Variants in DIMT1 observed in about 807,000 individuals in gnomAD.
DIMT1 encodes dimethyladenosine transferase.
DIMT1 carries 36 observed loss-of-function variants against 43.2 expected under a neutral mutation model. That is an observed-to-expected ratio of 0.83 (90% CI 0.64 to 1.10). The LOEUF (loss-of-function observed/expected upper bound fraction) is 1.10. Ranked by LOEUF, DIMT1 falls within the 50% of genes least tolerant of loss-of-function variation. The pLI is 0.00. For synonymous variants in DIMT1, 126 were observed against 130.3 expected (o/e 0.97, Z 0.22); for missense variants, 341 against 385.3 (o/e 0.88, Z 0.96).
intron 10 of DIMT1, chr5:62,391,917 T>C (rs1299232642): frequency 1.3e-6 from 2 of 1,534,526 alleles, no homozygotes; most frequent in South Asian, 1.2e-5. Context: ...ATTCTTGTTA[T>C]GGCTAAAAAC....
At chr5:62,403,653 C>G in intron 1 of DIMT1, 41 bp downstream of exon 1, 1 of 1,579,448 alleles carries the variant, frequency 6.3e-7, no homozygotes, top group Non-Finnish European at 8.6e-7. Context: ...TGCCGGAAGA[C>G]CTGACCCGAC....
At chr5:62,392,547 CCT>C (rs1224056026) in intron 9 of DIMT1, among the ~76,000 whole-genome samples, 2 of 152,134 alleles carry the variant, frequency 1.3e-5, no homozygotes, top group Non-Finnish European at 2.9e-5. Flanking sequence ...CTGTGTCTCA[CCT>C]CTCTTTTACC....
Position 62,394,533 on chromosome 5 carries a change from C to G in DIMT1, c.521G>C (p.Arg174Thr), listed in dbSNP as rs1451897732. The G allele has an allele frequency of 6.2e-7, 1 of 1,614,200 alleles. No individual in the cohort carries two copies. Among genetic ancestry groups the G allele is most frequent in the Admixed American group, 1.7e-5 (1 of 60,028 alleles). The change falls in exon 7 of 12, where the codon AGA (arginine) becomes ACA (threonine). Residue 174 changes from arginine to threonine, a missense_variant. Transcript: ENST00000199320. The stretch of plus-strand genomic sequence containing the variant: ...CAACAGCTGTGTATTAATTGAGAGT[C>G]TGCAGTATAACTTATCTCCAGGTTT... ...VAKPGDKLYCRLSINTQLLAR... is the reference protein window; with the variant it reads ...VAKPGDKLYCTLSINTQLLAR...
In DIMT1 at chr5:62,403,683, G is replaced by A. The variant is rs1476947204; in HGVS notation, c.79+11C>T. ...CCCGACCGACCCCAGCTTCCTCGCG[G>A]GGATCCGCACCTCCAGCGCTCTTCA... On this transcript the variant is annotated intron_variant, in intron 1 of 11. Coordinates refer to ENST00000199320, the MANE Select transcript of DIMT1 (RefSeq NM_014473.4). 2.4e-5 allele frequency: 38 copies of A among 1,604,698 alleles called. No individual in the cohort carries two copies. The highest frequency in any genetic ancestry group is 3.0e-5 in the Non-Finnish European group (35 of 1,176,526).
chr5:62,392,065 T>A (rs762551722), intron 10 of DIMT1, 106 bp downstream of exon 10: 200 of 1,596,470 alleles, frequency 1.3e-4, no homozygotes, highest in Non-Finnish European at 1.5e-4. Context: ...CTTTTAAGGA[T>A]CTTATGGAAT....
rs1742795226 is a variant in DIMT1, at chr5:62,403,679, C to T, written c.79+15G>A. 1.2e-6 allele frequency: 2 copies of T among 1,602,608 alleles called. No homozygotes were observed. The highest frequency in any genetic ancestry group is 1.7e-6 in the Non-Finnish European group (2 of 1,175,512). On this transcript the variant is annotated intron_variant, in intron 1 of 11. Transcript: ENST00000199320. ...CTGACCCGACCGACCCCAGCTTCCT[C>T]GCGGGGATCCGCACCTCCAGCGCTC...
intron 3 of DIMT1, among the ~76,000 whole-genome samples, chr5:62,401,495 CAAAAAAAAAA>C (rs563279122): frequency 1.7e-5 from 1 of 60,500 alleles, no homozygotes; most frequent in Non-Finnish European, 3.1e-5. Flanking sequence ...ATTCCCTCTC[CAAAAAAAAAA>C]AAAAAAAAAA....
chr5:62,392,905 A>C, intron 9 of DIMT1, 21 bp downstream of exon 9: 2 of 1,573,658 alleles, frequency 1.3e-6, no homozygotes, highest in Non-Finnish European at 1.7e-6. Flanking sequence ...TTTATACATT[A>C]GAAATTAGTG....
intron 8 of DIMT1, among the ~76,000 whole-genome samples, chr5:62,393,749 T>C (rs1362991869): frequency 6.9e-6 from 1 of 144,386 alleles, no homozygotes; most frequent in Non-Finnish European, 1.5e-5. Context: ...CCATTTTTTC[T>C]TTTTTTTTTT....
In DIMT1 at chr5:62,390,997, T is replaced by C; in HGVS notation, c.793-15A>G. The C allele has an allele frequency of 2.5e-6, 4 of 1,604,852 alleles. No homozygotes were observed. In the Middle Eastern group the frequency reaches 5.0e-4, roughly 202 times the overall value. On this transcript the variant is annotated splice_polypyrimidine_tract_variant and intron_variant, in intron 10 of 11. Transcript: ENST00000199320. ...TCTGGTATTATCTATCAATATAAGATTCAGAATAAATGAACGACATATCTT... is the reference window on the plus strand; with the variant it reads ...TCTGGTATTATCTATCAATATAAGACTCAGAATAAATGAACGACATATCTT...
intron 10 of DIMT1, chr5:62,391,803 CAA>C (rs1385244886): frequency 1.7e-5 from 24 of 1,406,750 alleles, no homozygotes; most frequent in South Asian, 3.4e-5. Flanking sequence ...GAGCAAGAAA[CAA>C]GACGTGGTCA....
chr5:62,399,926 CAA>C, intron 3 of DIMT1, among the ~76,000 whole-genome samples: 1 of 152,014 alleles, frequency 6.6e-6, no homozygotes, highest in Non-Finnish European at 1.5e-5. Context: ...AACAAACAAA[CAA>C]ACACCACCAC....
intron 11 of DIMT1, among the ~76,000 whole-genome samples, chr5:62,390,667 C>G (rs1487113182): frequency 6.6e-6 from 1 of 152,132 alleles, no homozygotes; most frequent in Non-Finnish European, 1.5e-5. Context: ...TCGGACTGTT[C>G]TTTACTACTG....
chr5:62,401,664 C>T (rs546095188), intron 3 of DIMT1, among the ~76,000 whole-genome samples: 1 of 139,294 alleles, frequency 7.2e-6, no homozygotes, highest in South Asian at 2.4e-4. Context: ...CTCACTGCAA[C>T]CTCTGCCTTC....
At chr5:62,389,485 C>CAAA (rs775533413) in intron 11 of DIMT1, among the ~76,000 whole-genome samples, 10 of 75,914 alleles carry the variant, frequency 1.3e-4, no homozygotes, top group African/African-American at 2.9e-4. Context: ...GACTCTGTCT[C>CAAA]AAAAAAAAAA....
At chr5:62,402,537 A>G (rs1225837747) in intron 2 of DIMT1, among the ~76,000 whole-genome samples, 5 of 152,244 alleles carry the variant, frequency 3.3e-5, no homozygotes, top group Non-Finnish European at 5.9e-5. Context: ...GAAGAGCAGA[A>G]ACTGTACACA....
intron 9 of DIMT1, among the ~76,000 whole-genome samples, chr5:62,392,513 A>G (rs923643291): frequency 6.9e-6 from 1 of 144,152 alleles, no homozygotes. Context: ...ATCCCCTAAA[A>G]AAAAATCTCC....
At chr5:62,393,880 C>T in intron 8 of DIMT1, 75 bp downstream of exon 8, 1 of 1,279,586 alleles carries the variant, frequency 7.8e-7, no homozygotes, top group Non-Finnish European at 1.1e-6. Flanking sequence ...CAATATTTTT[C>T]TGCTGTTATA....
intron 6 of DIMT1, among the ~76,000 whole-genome samples, chr5:62,398,190 T>G (rs1237433109): frequency 1.3e-5 from 2 of 152,168 alleles, no homozygotes; most frequent in African/African-American, 2.4e-5. Context: ...ATGAACTTTT[T>G]GAAGACCTCT....
Sources: allele counts gnomAD v4.1 joint callset (sites outside exome capture counted in the v4.1 genomes callset), GRCh38; gene constraint gnomAD v4.1.1; transcripts MANE v1.5; gene names NCBI Gene and HGNC (gene_info 2026-07-23, HGNC 2026-07-21).